CDK19: variants seen among roughly 807,000 people sequenced by gnomAD.
CDK19 encodes the protein cyclin dependent kinase 19, also known as cyclin-dependent kinase 19.
A neutral mutation model predicts 68.3 loss-of-function variants in CDK19; 20 were observed. The ratio of observed to expected loss-of-function variants is 0.29; its 90% confidence interval spans 0.21 to 0.43. The LOEUF (loss-of-function observed/expected upper bound fraction) is 0.43. Among genes scored for constraint, CDK19 ranks in the 20% least tolerant of loss-of-function variants. The pLI is 1.00. For missense variants in CDK19, 339 were observed against 623.5 expected (o/e 0.54, Z 4.86); for synonymous variants, 221 against 222.8 (o/e 0.99, Z 0.07).
intron 1 of CDK19, among the ~76,000 whole-genome samples, chr6:110,800,114 C>T (rs1190046669): frequency 6.6e-6 from 1 of 152,154 alleles, no homozygotes; most frequent in Non-Finnish European, 1.5e-5. Context: ...CAAAAGAGCA[C>T]TGAATACACC....
intron 2 of CDK19, among the ~76,000 whole-genome samples, chr6:110,673,375 T>C (rs1352608248): frequency 6.6e-6 from 1 of 152,192 alleles, no homozygotes; most frequent in Non-Finnish European, 1.5e-5. Flanking sequence ...GTGTTCTACC[T>C]TTTGGTTATT....
At chr6:110,665,816 C>G (rs1451247528) in intron 4 of CDK19, among the ~76,000 whole-genome samples, 1 of 152,130 alleles carries the variant, frequency 6.6e-6, no homozygotes, top group East Asian at 1.9e-4. Flanking sequence ...GTGATCTCAG[C>G]TCACTGCAAC....
At chr6:110,716,218 A>G (rs1217139462) in intron 2 of CDK19, among the ~76,000 whole-genome samples, 1 of 152,194 alleles carries the variant, frequency 6.6e-6, no homozygotes, top group Non-Finnish European at 1.5e-5. Flanking sequence ...AGGATGCTCA[A>G]GTATAAGGAA....
chr6:110,653,229 A>T (rs554268915), intron 4 of CDK19, among the ~76,000 whole-genome samples: 2 of 152,286 alleles, frequency 1.3e-5, no homozygotes, highest in Non-Finnish European at 2.9e-5. Context: ...AAGGGTATAC[A>T]AGGCTATGGG....
intron 2 of CDK19, among the ~76,000 whole-genome samples, chr6:110,683,138 T>C (rs1772159205): frequency 7.6e-6 from 1 of 131,284 alleles, no homozygotes; most frequent in Non-Finnish European, 1.5e-5. Flanking sequence ...ATGGTGCCAC[T>C]GCACTCCAGC....
In CDK19 at chr6:110,665,616, T is replaced by C. The variant is rs567601973; in HGVS notation, c.456+1818A>G. Among the ~76,000 whole-genome samples the C allele has an allele frequency of 4.6e-5, 7 of 152,334 alleles. 1 individual carries two copies. In the South Asian group the frequency reaches 1.2e-3, roughly 27 times the overall value. ...TTCAATAAAAGATTCTGATCAATGATTCAAACATGAACATAACCTCAAAAA... is the reference window on the plus strand; with the variant it reads ...TTCAATAAAAGATTCTGATCAATGACTCAAACATGAACATAACCTCAAAAA... On this transcript the variant is annotated intron_variant, in intron 4 of 12. Transcript: ENST00000368911.
At chr6:110,759,428 A>AATATATATATATATAT (rs34490988) in intron 1 of CDK19, among the ~76,000 whole-genome samples, 7 of 50,914 alleles carry the variant, frequency 1.4e-4, no homozygotes, top group East Asian at 8.3e-4. Flanking sequence ...AAAAAAAAAA[A>AATATATATATATATAT]ATATATATAT....
At chr6:110,644,990 T>C (rs548272568) in intron 4 of CDK19, among the ~76,000 whole-genome samples, 62 of 152,074 alleles carry the variant, frequency 4.1e-4, no homozygotes, top group Non-Finnish European at 7.6e-4. Flanking sequence ...GCAAAATAAA[T>C]ATAACTTCAG....
intron 2 of CDK19, among the ~76,000 whole-genome samples, chr6:110,708,103 G>C (rs1232262769): frequency 1.3e-5 from 2 of 152,148 alleles, no homozygotes; most frequent in African/African-American, 2.4e-5. Context: ...CCCAAAAGAG[G>C]AAAGCGCTCT....
At chr6:110,648,810 C>T (rs906163596) in intron 4 of CDK19, among the ~76,000 whole-genome samples, 8 of 151,968 alleles carry the variant, frequency 5.3e-5, no homozygotes, top group Non-Finnish European at 1.0e-4. Flanking sequence ...CTCCACCTCC[C>T]GGGTTCACGC....
intron 1 of CDK19, among the ~76,000 whole-genome samples, chr6:110,784,815 C>T (rs1197776676): frequency 6.6e-6 from 1 of 151,740 alleles, no homozygotes; most frequent in South Asian, 2.1e-4. Flanking sequence ...CCCATACATG[C>T]TACAATATGA....
intron 4 of CDK19, among the ~76,000 whole-genome samples, chr6:110,652,601 T>C (rs939740145): frequency 6.6e-6 from 1 of 152,156 alleles, no homozygotes; most frequent in Admixed American, 6.5e-5. Flanking sequence ...AGAGCAAAAA[T>C]TGCTTCATGT....
At chr6:110,617,833 G>A (rs1778434075) in intron 12 of CDK19, among the ~76,000 whole-genome samples, 1 of 128,836 alleles carries the variant, frequency 7.8e-6, no homozygotes, top group South Asian at 2.8e-4. Context: ...CTCCAGCCTG[G>A]GTGACACAGT....
rs980890838 is a variant in CDK19 at position 110,611,408 on chromosome 6, C to T, written c.*3127G>A. ...AAGAGAAATGCCATCATTTGGGGAC[C>T]ACAAAGGTAAAGTTTGCCCTCAAAA... On this transcript the variant is annotated 3_prime_UTR_variant, in exon 13 of 13. Coordinates refer to ENST00000368911, the MANE Select transcript of CDK19 (RefSeq NM_015076.5). The T allele has an allele frequency of 3.3e-5, 5 of 152,200 alleles. No individual in the cohort carries two copies. Among genetic ancestry groups the T allele is most frequent in the Admixed American group, 2.6e-4 (4 of 15,280 alleles). 9.4% of individuals were successfully genotyped at this position (152,200 alleles called of 1,614,324 possible). A position where few individuals can be genotyped will look rare whatever the true frequency, so the allele number is the denominator to read the frequency against.
At chr6:110,625,692 G>A (rs1779046992) in intron 8 of CDK19, among the ~76,000 whole-genome samples, 1 of 152,044 alleles carries the variant, frequency 6.6e-6, no homozygotes, top group Non-Finnish European at 1.5e-5. Flanking sequence ...AAATCATAGA[G>A]TCTGAATGGG....
At chr6:110,706,145 T>C (rs1774452738) in intron 2 of CDK19, among the ~76,000 whole-genome samples, 1 of 149,266 alleles carries the variant, frequency 6.7e-6, no homozygotes, top group Non-Finnish European at 1.5e-5. Context: ...CTCTGCCTCC[T>C]GGGTTGATGT....
chr6:110,665,962 C>G (rs1232584920), intron 4 of CDK19, among the ~76,000 whole-genome samples: 1 of 151,756 alleles, frequency 6.6e-6, no homozygotes, highest in East Asian at 2.0e-4. Context: ...AGGCCGGTCT[C>G]GAAGTCCTGA....
At chr6:110,796,009 C>G (rs2115089590) in intron 1 of CDK19, among the ~76,000 whole-genome samples, 1 of 152,220 alleles carries the variant, frequency 6.6e-6, no homozygotes, top group South Asian at 2.1e-4. Flanking sequence ...AATTTAGTAA[C>G]TACTTATGTC....
At position 110,614,232 on chromosome 6, in the gene CDK19, G is replaced by C. The variant is rs1778168594; in HGVS notation, c.*303C>G. ...GCTACAGCATGAGAAAGGTGCACCA[G>C]GAAATCCTTCAAAGAAATGCTGAAG... is the stretch of plus-strand genomic sequence containing the variant. On this transcript the variant is annotated 3_prime_UTR_variant, in exon 13 of 13. Transcript: ENST00000368911. 4.1e-6 allele frequency: 1 copy of C among 242,028 alleles called. No individual in the cohort carries two copies. Among genetic ancestry groups the C allele is most frequent in the African/African-American group, 2.2e-5 (1 of 45,538 alleles). 15.0% of individuals were successfully genotyped at this position (242,028 alleles called of 1,614,324 possible).
Sources: allele counts gnomAD v4.1 joint callset (sites outside exome capture counted in the v4.1 genomes callset), GRCh38; gene constraint gnomAD v4.1.1; transcripts MANE v1.5; gene names NCBI Gene and HGNC (gene_info 2026-07-23, HGNC 2026-07-21).